CEP70: variants seen among roughly 807,000 people sequenced by gnomAD.
The protein encoded by CEP70 is centrosomal protein 70.
CEP70 carries 70 observed loss-of-function variants against 90.9 expected under a neutral mutation model. That is an observed-to-expected ratio of 0.77 (90% CI 0.64 to 0.94). The LOEUF is 0.94. Ranked by LOEUF, CEP70 falls within the 40% of genes least tolerant of loss-of-function variation. The pLI is 0.00. For missense variants in CEP70, 648 were observed against 669.0 expected (o/e 0.97, Z 0.35); for synonymous variants, 220 against 228.3 (o/e 0.96, Z 0.33).
chr3:138,525,710 G>C, intron 10 of CEP70, 146 bp from the exon 11 acceptor site: 1 of 362,104 alleles, frequency 2.8e-6, no homozygotes, highest in African/African-American at 2.1e-5. Context: ...TGCTAATTTG[G>C]AGTTTACTGG....
chr3:138,495,178 G>A, intron 17 of CEP70, 102 bp from the exon 18 acceptor site: 3 of 656,200 alleles, frequency 4.6e-6, no homozygotes, highest in Non-Finnish European at 8.1e-6. Flanking sequence ...CAAACATAAA[G>A]GCAATAATAC....
rs2037614037 is a variant in CEP70, at chr3:138,529,474, T to C, written c.693-12A>G. 4 of 1,496,624 alleles carry C rather than the reference T, an allele frequency of 2.7e-6. No individual in the cohort carries two copies. The highest frequency in any genetic ancestry group is 2.8e-5 in the African/African-American group (2 of 71,864). The allele number at this position is 1,496,624 out of a possible 1,614,324, so 92.7% of individuals were successfully genotyped here. On this transcript the variant is annotated splice_polypyrimidine_tract_variant and intron_variant, in intron 8 of 17. Transcript: ENST00000264982. ...CTTCTTTATATTGCCTATGAAAATA[T>C]GTATGCAGTATACTTATGAAAAATC...
intron 11 of CEP70, among the ~76,000 whole-genome samples, chr3:138,514,197 T>C (rs2035793005): frequency 6.6e-6 from 1 of 152,218 alleles, no homozygotes; most frequent in African/African-American, 2.4e-5. Flanking sequence ...CGGAAGATGG[T>C]ACCTTGTTTC....
intron 11 of CEP70, among the ~76,000 whole-genome samples, chr3:138,511,403 G>T (rs957167540): frequency 6.6e-6 from 1 of 152,184 alleles, no homozygotes; most frequent in Non-Finnish European, 1.5e-5. Context: ...GAACAAAAAA[G>T]GACACAGAAA....
intron 10 of CEP70, among the ~76,000 whole-genome samples, chr3:138,528,482 T>G (rs2037502520): frequency 6.6e-6 from 1 of 152,254 alleles, no homozygotes; most frequent in Non-Finnish European, 1.5e-5. Flanking sequence ...AAGAATATTA[T>G]GTACTCATGA....
chr3:138,521,176 C>T (rs576511890), intron 11 of CEP70, among the ~76,000 whole-genome samples: 4 of 152,176 alleles, frequency 2.6e-5, no homozygotes, highest in Admixed American at 1.3e-4. Context: ...ACCTCCCAGC[C>T]GCCTGCCTTG....
chr3:138,559,160 G>T (rs759790176), intron 6 of CEP70, among the ~76,000 whole-genome samples: 10 of 151,836 alleles, frequency 6.6e-5, no homozygotes, highest in Non-Finnish European at 1.3e-4. Flanking sequence ...TACAATAACC[G>T]AAAGAAAATA....
At chr3:138,500,657 G>T in intron 14 of CEP70, 78 bp downstream of exon 14, 1 of 1,492,002 alleles carries the variant, frequency 6.7e-7, no homozygotes, top group Non-Finnish European at 9.0e-7. Context: ...AACTCTAGTA[G>T]AACAAATATC....
At chr3:138,522,664 A>C (rs1277619420) in intron 11 of CEP70, among the ~76,000 whole-genome samples, 1 of 152,206 alleles carries the variant, frequency 6.6e-6, no homozygotes, top group Non-Finnish European at 1.5e-5. Context: ...CCCTCCCAAG[A>C]CTAAACCAGG....
At chr3:138,525,469 T>G (rs1304464835) in intron 11 of CEP70, 21 bp downstream of exon 11, 2 of 1,136,934 alleles carry the variant, frequency 1.8e-6, no homozygotes, top group Non-Finnish European at 2.4e-6. Flanking sequence ...AAAGAGGCAA[T>G]TTTGGTAAAA....
At chr3:138,578,670 A>G (rs570243813) in intron 2 of CEP70, among the ~76,000 whole-genome samples, 1 of 152,382 alleles carries the variant, frequency 6.6e-6, no homozygotes, top group South Asian at 2.1e-4. Context: ...CAAACACTAC[A>G]CAAAAATATT....
At chr3:138,522,007 C>T (rs35549884) in intron 11 of CEP70, among the ~76,000 whole-genome samples, 8,227 of 152,200 alleles carry the variant, frequency 0.054, 560 homozygotes, top group East Asian at 0.38. Flanking sequence ...CTCTCTGAAA[C>T]GTGCTGTGTC....
intron 6 of CEP70, among the ~76,000 whole-genome samples, chr3:138,556,574 C>T (rs568800575): frequency 4.0e-5 from 6 of 151,068 alleles, no homozygotes; most frequent in South Asian, 2.1e-4. Flanking sequence ...AACCTGCCCC[C>T]GACAGTCACG....
Position 138,594,248 on chromosome 3 carries a change from T to G in CEP70, c.-159A>C, listed in dbSNP as rs1037638135. ...AGCAGCCAGCCGGGCCAGGTTAGGC[T>G]GGGATCAGCTACGTCAGGCCCCGCC... is the stretch of plus-strand genomic sequence containing the variant. On this transcript the variant is annotated 5_prime_UTR_variant, in exon 1 of 18. Transcript: ENST00000264982. 1 of 152,432 alleles carries G rather than the reference T, an allele frequency of 6.6e-6. No individual in the cohort carries two copies. The highest frequency in any genetic ancestry group is 2.4e-5 in the African/African-American group (1 of 41,452). The allele number at this position is 152,432 out of a possible 1,614,324, so 9.4% of individuals were successfully genotyped here. A position where few individuals can be genotyped will look rare whatever the true frequency, so the allele number is the denominator to read the frequency against.
chr3:138,545,185 G>A (rs754473847), intron 6 of CEP70, among the ~76,000 whole-genome samples: 14 of 152,120 alleles, frequency 9.2e-5, no homozygotes, highest in Non-Finnish European at 1.5e-4. Context: ...AAATTGTTGC[G>A]GGAAGTCAGG....
chr3:138,518,492 A>G (rs549301325), intron 11 of CEP70, among the ~76,000 whole-genome samples: 1 of 152,338 alleles, frequency 6.6e-6, no homozygotes, highest in African/African-American at 2.4e-5. Flanking sequence ...AACTTCCAGA[A>G]GAATGATCGG....
At chr3:138,527,303 C>T (rs1029562055) in intron 10 of CEP70, among the ~76,000 whole-genome samples, 1 of 150,606 alleles carries the variant, frequency 6.6e-6, no homozygotes, top group Non-Finnish European at 1.5e-5. Context: ...GCTGGGACTG[C>T]AGGAGTACGC....
chr3:138,579,034 G>A (rs1298866372), intron 2 of CEP70, among the ~76,000 whole-genome samples: 4 of 152,058 alleles, frequency 2.6e-5, no homozygotes, highest in African/African-American at 7.2e-5. Flanking sequence ...CCCCGGTAAC[G>A]GCCAGCCATG....
chr3:138,541,424 GAAAAAGA>G (rs1186246674), intron 6 of CEP70, among the ~76,000 whole-genome samples: 15 of 109,450 alleles, frequency 1.4e-4, no homozygotes, highest in African/African-American at 5.6e-4. Context: ...AAAAGAAAAA[GAAAAAGA>G]AAAAAAAAAA....
Sources: allele counts gnomAD v4.1 joint callset (sites outside exome capture counted in the v4.1 genomes callset), GRCh38; gene constraint gnomAD v4.1.1; transcripts MANE v1.5; gene names NCBI Gene and HGNC (gene_info 2026-07-23, HGNC 2026-07-21).